The following FBXW4 variants were observed in gnomAD, a reference collection of about 807,000 sequenced individuals.
FBXW4 encodes F-box/WD repeat-containing protein 4.
A neutral mutation model predicts 61.8 loss-of-function variants in FBXW4; 40 were observed. The ratio of observed to expected loss-of-function variants is 0.65; its 90% CI spans 0.50 to 0.84. FBXW4 has a LOEUF of 0.84. FBXW4 is among the 40% of genes least tolerant of loss of function. FBXW4 has a pLI of 0.00. For synonymous variants in FBXW4, 311 were observed against 313.8 expected (o/e 0.99, Z 0.10); for missense variants, 672 against 753.8 (o/e 0.89, Z 1.27).
At chr10:101,653,018 G>C (rs1459976127) in intron 5 of FBXW4, among the ~76,000 whole-genome samples, 2 of 152,174 alleles carry the variant, frequency 1.3e-5, no homozygotes, top group African/African-American at 4.8e-5. Flanking sequence ...GTGAGTTCCA[G>C]GCAACCATTC....
chr10:101,638,074 T>TC (rs2064019973), intron 5 of FBXW4, among the ~76,000 whole-genome samples: 1 of 152,166 alleles, frequency 6.6e-6, no homozygotes, highest in Non-Finnish European at 1.5e-5. Flanking sequence ...TTGGTGCGCT[T>TC]CCTCCTCAAT....
intron 5 of FBXW4, chr10:101,625,127 G>A (rs1052156949): frequency 9.1e-6 from 3 of 328,854 alleles, no homozygotes; most frequent in Non-Finnish European, 1.7e-5. Flanking sequence ...GCCCAGGAGA[G>A]AGCGAGCCTG....
chr10:101,635,998 T>C (rs2063998523), intron 5 of FBXW4, among the ~76,000 whole-genome samples: 1 of 152,134 alleles, frequency 6.6e-6, no homozygotes, highest in African/African-American at 2.4e-5. Context: ...GAACAAGTAA[T>C]TTATGAAAAA....
intron 5 of FBXW4, among the ~76,000 whole-genome samples, chr10:101,634,667 A>T (rs1290675973): frequency 6.7e-6 from 1 of 148,720 alleles, no homozygotes; most frequent in African/African-American, 2.5e-5. Flanking sequence ...AATAAATGGT[A>T]TAGGGTCCAC....
intron 5 of FBXW4, among the ~76,000 whole-genome samples, chr10:101,661,924 A>G (rs773314124): frequency 1.6e-4 from 25 of 152,182 alleles, no homozygotes; most frequent in Non-Finnish European, 3.5e-4. Flanking sequence ...TCGAGTTATC[A>G]AGGTCAAGCA....
At chr10:101,640,973 G>A (rs2064047506) in intron 5 of FBXW4, among the ~76,000 whole-genome samples, 1 of 151,916 alleles carries the variant, frequency 6.6e-6, no homozygotes, top group Non-Finnish European at 1.5e-5. Context: ...TGGGATTACT[G>A]GCACCCGCCA....
chr10:101,676,278 T>A (rs1162839936), intron 2 of FBXW4, 63 bp downstream of exon 2: 1 of 1,464,740 alleles, frequency 6.8e-7, no homozygotes, highest in Non-Finnish European at 9.5e-7. Context: ...AGGACCAGAT[T>A]TTTTACTTTC....
intron 6 of FBXW4, among the ~76,000 whole-genome samples, chr10:101,614,990 T>A (rs533464113): frequency 6.6e-6 from 1 of 152,252 alleles, no homozygotes; most frequent in Admixed American, 6.5e-5. Context: ...CCCCAAACTT[T>A]GGGGGAAAAG....
intron 1 of FBXW4, among the ~76,000 whole-genome samples, chr10:101,684,772 G>A (rs2064517360): frequency 6.6e-6 from 1 of 152,152 alleles, no homozygotes; most frequent in East Asian, 1.9e-4. Context: ...AGCTTCAGTA[G>A]CAGAGGTTTA....
At chr10:101,615,326 T>A (rs1243477982) in intron 6 of FBXW4, among the ~76,000 whole-genome samples, 1 of 151,702 alleles carries the variant, frequency 6.6e-6, no homozygotes, top group Non-Finnish European at 1.5e-5. Context: ...CCCTTCCAAC[T>A]CCCGTGGACA....
chr10:101,644,035 A>C (rs2064076092), intron 5 of FBXW4, among the ~76,000 whole-genome samples: 3 of 152,136 alleles, frequency 2.0e-5, no homozygotes, highest in Admixed American at 2.0e-4. Flanking sequence ...CCCCCATCCC[A>C]CATTCGTACC....
chr10:101,635,308 A>G (rs1564908700), intron 5 of FBXW4, among the ~76,000 whole-genome samples: 1 of 150,946 alleles, frequency 6.6e-6, no homozygotes, highest in East Asian at 1.9e-4. Flanking sequence ...CTGATTCTAC[A>G]TTATGGTGAG....
intron 2 of FBXW4, among the ~76,000 whole-genome samples, chr10:101,675,627 G>A (rs1040879836): frequency 1.3e-5 from 2 of 152,182 alleles, no homozygotes; most frequent in African/African-American, 4.8e-5. Context: ...GAAGAGGGCC[G>A]CCTGTGTCTT....
chr10:101,622,241 C>G (rs1048109220), intron 6 of FBXW4, among the ~76,000 whole-genome samples: 1 of 151,594 alleles, frequency 6.6e-6, no homozygotes, highest in Non-Finnish European at 1.5e-5. Flanking sequence ...ACTGAGGAAG[C>G]AGGTGAGAAG....
chr10:101,688,741 G>A (rs1392131610), intron 1 of FBXW4, among the ~76,000 whole-genome samples: 1 of 152,184 alleles, frequency 6.6e-6, no homozygotes, highest in Non-Finnish European at 1.5e-5. Flanking sequence ...ACACACCTGA[G>A]GTAAATTCTG....
intron 5 of FBXW4, among the ~76,000 whole-genome samples, chr10:101,649,786 G>C (rs558688746): frequency 1.3e-5 from 2 of 152,164 alleles, no homozygotes; most frequent in African/African-American, 4.8e-5. Flanking sequence ...TCATCTCAGC[G>C]GCCAGCCTGC....
intron 4 of FBXW4, among the ~76,000 whole-genome samples, chr10:101,670,785 T>C (rs964192660): frequency 2.2e-4 from 33 of 152,316 alleles, no homozygotes; most frequent in Non-Finnish European, 2.4e-4. Flanking sequence ...GCTGTTCACA[T>C]CTCAGGATGG....
intron 5 of FBXW4, among the ~76,000 whole-genome samples, chr10:101,631,813 G>A (rs1433723409): frequency 6.6e-6 from 1 of 152,116 alleles, no homozygotes; most frequent in Non-Finnish European, 1.5e-5. Flanking sequence ...ATTTTTAGTA[G>A]AGATGGGGTT....
At chr10:101,669,536 G>C (rs1338137337) in intron 4 of FBXW4, among the ~76,000 whole-genome samples, 1 of 152,202 alleles carries the variant, frequency 6.6e-6, no homozygotes, top group Non-Finnish European at 1.5e-5. Flanking sequence ...CAAGGTTCTT[G>C]GTCTCCAGGA....
Sources: gnomAD v4.1 joint callset for allele counts (sites outside exome capture counted in the v4.1 genomes callset) on GRCh38, gnomAD v4.1.1 for gene constraint, MANE v1.5 for transcripts, NCBI Gene and HGNC (gene_info 2026-07-23, HGNC 2026-07-21) for gene names.